CAPN3: variants seen among roughly 807,000 people sequenced by gnomAD.
The protein encoded by CAPN3 is calpain 3.
In CAPN3, 88 loss-of-function variants were observed where a neutral mutation model predicts 114.0. The observed-to-expected ratio is 0.77, with a 90% CI of 0.65 to 0.92. The LOEUF is 0.92. CAPN3 is among the 40% of genes least tolerant of loss of function. The pLI is 0.00. For missense variants in CAPN3, 1,028 were observed against 1,069.0 expected, an observed-to-expected ratio of 0.96 and a Z score of 0.53; for synonymous variants, 386 against 382.9, an observed-to-expected ratio of 1.01 and a Z score of -0.09.
At chr15:42,385,213 G>C (rs1475375060) in intron 2 of CAPN3, among the ~76,000 whole-genome samples, 3 of 152,206 alleles carry the variant, frequency 2.0e-5, no homozygotes, top group Non-Finnish European at 4.4e-5. Context: ...TTGAGGAAAA[G>C]GGGGCACCTA....
chr15:42,408,265 C>G lies in CAPN3; in HGVS notation c.1855C>G (p.Gln619Glu). The change falls in exon 16 of 24, where the codon CAG becomes GAG. Residue 619 changes from glutamine to glutamate, a missense_variant. By Grantham distance (29) the Gln-to-Glu change is conservative (BLOSUM62 2). Coordinates refer to ENST00000397163, the MANE Select transcript of CAPN3 (RefSeq NM_000070.3). ...ANSNKELGVD[Q>E]ESEEGKGKTS... ...CAGCAACAAGGAGCTGGGTGTGGAC[C>G]AGGAGTCAGAGGAGGGCAAAGGCAA... 1 of 1,613,920 alleles carries G rather than the reference C, an allele frequency of 6.2e-7. No individual in the cohort carries two copies.
At chr15:42,394,148 C>T in intron 7 of CAPN3, 108 bp from the exon 8 acceptor site, 2 of 1,008,670 alleles carry the variant, frequency 2.0e-6, no homozygotes, top group Non-Finnish European at 3.1e-6. Flanking sequence ...GGCAGAACAC[C>T]CTCGCGTAAG....
intron 1 of CAPN3, among the ~76,000 whole-genome samples, chr15:42,368,237 A>C (rs2052839457): frequency 6.6e-6 from 1 of 152,228 alleles, no homozygotes; most frequent in Non-Finnish European, 1.5e-5. Flanking sequence ...AGGTCAAACA[A>C]GGCAACACTC....
intron 1 of CAPN3, chr15:42,374,121 A>C (rs1398410320): frequency 6.5e-6 from 1 of 152,690 alleles, no homozygotes; most frequent in African/African-American, 2.4e-5. Context: ...CCACGGGCTC[A>C]GGGGCCTCCA....
At chr15:42,384,123 AG>A (rs2053319101) in intron 1 of CAPN3, among the ~76,000 whole-genome samples, 1 of 152,104 alleles carries the variant, frequency 6.6e-6, no homozygotes, top group East Asian at 1.9e-4. Flanking sequence ...AATAAATAAT[AG>A]CTACTGCGGC....
At chr15:42,405,747 G>T (rs1250279141) in intron 14 of CAPN3, among the ~76,000 whole-genome samples, 179 bp from the exon 15 acceptor site, 1 of 152,108 alleles carries the variant, frequency 6.6e-6, no homozygotes, top group African/African-American at 2.4e-5. Context: ...GGAGAAAGAA[G>T]AATTCTCTTC....
At chr15:42,403,953 G>A (rs887400146) in intron 14 of CAPN3, 176 bp downstream of exon 14, 19 of 709,426 alleles carry the variant, frequency 2.7e-5, no homozygotes, top group South Asian at 1.2e-4. Flanking sequence ...AGAAGTAATC[G>A]GCCTTAAGCA....
At chr15:42,409,639 C>A in intron 17 of CAPN3, 148 bp from the exon 18 acceptor site, 1 of 883,084 alleles carries the variant, frequency 1.1e-6, no homozygotes. Flanking sequence ...GGCCCCCTGT[C>A]TTCCTCAGAA....
At position 42,402,860 on chromosome 15, in the gene CAPN3, A is replaced by C; in HGVS notation, c.1603A>C (p.Lys535Gln). ...FLYNASKARS[K>Q]TYINMREVSQ... The stretch of plus-strand genomic sequence containing the variant: ...GTACAACGCCTCCAAGGCCAGGAGC[A>C]AAACCTACATCAACATGCGGGAGGT... The change falls in exon 13 of 24, where the codon AAA becomes CAA. Residue 535 changes from lysine to glutamine, a missense_variant. By Grantham distance (53) the Lys-to-Gln change is moderately conservative. Transcript: ENST00000397163. The C allele has an allele frequency of 6.2e-7, 1 of 1,614,222 alleles. No homozygotes were observed. The highest frequency in any genetic ancestry group is 8.5e-7 in the Non-Finnish European group (1 of 1,180,030).
At chr15:42,409,153 A>T (rs1426055163) in intron 16 of CAPN3, 150 bp from the exon 17 acceptor site, 2 of 707,990 alleles carry the variant, frequency 2.8e-6, no homozygotes, top group Middle Eastern at 3.6e-4. Context: ...ATCTCACTCC[A>T]GCTCACCAGG....
At chr15:42,360,706 G>A (rs1373600204) in intron 1 of CAPN3, among the ~76,000 whole-genome samples, 2 of 152,184 alleles carry the variant, frequency 1.3e-5, no homozygotes, top group Admixed American at 1.3e-4. Context: ...CACCTCATAA[G>A]TGAGGAGTCA....
chr15:42,402,395 C>T, intron 12 of CAPN3: 1 of 1,445,214 alleles, frequency 6.9e-7, no homozygotes, highest in East Asian at 2.5e-5. Flanking sequence ...ACTCACCCTC[C>T]TCCACGCTTA....
In CAPN3 at chr15:42,409,849, G is replaced by C; in HGVS notation, c.2050+5G>C. Reference sequence around the variant, plus strand: ...TTAACACAGTCGTGAACAAACGTGAGTTGCTCAAACCAAATGGGGGTGGGG... The same window carrying C: ...TTAACACAGTCGTGAACAAACGTGACTTGCTCAAACCAAATGGGGGTGGGG... On this transcript the variant is annotated splice_donor_5th_base_variant and intron_variant, in intron 18 of 23. Transcript: ENST00000397163. 5 of 1,279,882 alleles carry C rather than the reference G, an allele frequency of 3.9e-6. No individual in the cohort carries two copies. The highest frequency in any genetic ancestry group is 5.4e-6 in the Non-Finnish European group (5 of 925,930). The allele number at this position is 1,279,882 out of a possible 1,614,324, so 79.3% of individuals were successfully genotyped here.
rs1466584885 is a variant in CAPN3, at chr15:42,409,805, G to A, written c.2011G>A (p.Asp671Asn). The A allele has an allele frequency of 5.1e-6, 8 of 1,563,558 alleles. No homozygotes were observed. The highest frequency in any genetic ancestry group is 6.1e-6 in the Non-Finnish European group (7 of 1,150,520). Residue 671 changes from aspartate to asparagine, a missense_variant, in exon 18 of 24, where the codon GAT becomes AAT. Transcript: ENST00000397163. ...IAGDDMEICA[D>N]ELKKVLNTVV... ...TCCTCAGGACATGGAGATCTGTGCAGATGAGCTCAAGAAGGTCCTTAACAC... is the reference window on the plus strand; with the variant it reads ...TCCTCAGGACATGGAGATCTGTGCAAATGAGCTCAAGAAGGTCCTTAACAC...
intron 6 of CAPN3, among the ~76,000 whole-genome samples, chr15:42,390,838 T>C (rs923154397): frequency 2.0e-5 from 3 of 150,626 alleles, no homozygotes; most frequent in South Asian, 2.1e-4. Context: ...TTCCCTAGGC[T>C]GGAGCACAGT....
intron 1 of CAPN3, among the ~76,000 whole-genome samples, chr15:42,378,209 G>T: frequency 6.6e-6 from 1 of 152,200 alleles, no homozygotes; most frequent in East Asian, 1.9e-4. Context: ...AAGGCTTTGA[G>T]TCAACACACC....
intron 1 of CAPN3, among the ~76,000 whole-genome samples, chr15:42,362,016 C>G (rs2052657514): frequency 6.6e-6 from 1 of 152,232 alleles, no homozygotes; most frequent in Non-Finnish European, 1.5e-5. Flanking sequence ...CAGGCCAGTC[C>G]CATAGTGGGT....
chr15:42,390,569 A>T (rs1025996882), intron 6 of CAPN3, among the ~76,000 whole-genome samples: 1 of 152,018 alleles, frequency 6.6e-6, no homozygotes, highest in African/African-American at 2.4e-5. Flanking sequence ...CATAAGTTAT[A>T]CCTGCTCACT....
Position 42,410,622 on chromosome 15 carries a change from G to A in CAPN3, c.2219G>A (p.Gly740Asp), listed in dbSNP as rs750162858. Reference sequence around the variant, plus strand: ...AAACACTATGACACAGACCAGTCCGGCACCATCAACAGCTACGAGATGCGA... The same window carrying A: ...AAACACTATGACACAGACCAGTCCGACACCATCAACAGCTACGAGATGCGA... ...IFKHYDTDQS[G>D]TINSYEMRNA... The change falls in exon 21 of 24, where the codon GGC becomes GAC. Residue 740 changes from glycine to aspartate, a missense_variant. Gly to Asp is a moderately conservative substitution (Grantham distance 94, BLOSUM62 -1). Coordinates refer to ENST00000397163, the MANE Select transcript of CAPN3 (RefSeq NM_000070.3). 58 of 1,613,854 alleles carry A rather than the reference G, an allele frequency of 3.6e-5. No homozygotes were observed. Among genetic ancestry groups the A allele is most frequent in the Non-Finnish European group, 4.2e-5 (50 of 1,179,976 alleles).
Sources: gnomAD v4.1 joint callset for allele counts (sites outside exome capture counted in the v4.1 genomes callset) on GRCh38, gnomAD v4.1.1 for gene constraint, MANE v1.5 for transcripts, NCBI Gene and HGNC (gene_info 2026-07-23, HGNC 2026-07-21) for gene names.